MSH5: variants seen among roughly 807,000 people sequenced by gnomAD.
MSH5 encodes the protein mutS homolog 5.
Under a neutral mutation model 107.7 loss-of-function variants are expected in MSH5, and 78 were observed. The ratio of observed to expected loss-of-function variants is 0.72; its 90% CI spans 0.60 to 0.87. The LOEUF (loss-of-function observed/expected upper bound fraction) is 0.87. MSH5 is among the 40% of genes least tolerant of loss of function. MSH5 has a pLI of 0.00. For missense variants in MSH5, 889 were observed against 1,046.6 expected (o/e 0.85, Z 2.08); for synonymous variants, 326 against 399.5 (o/e 0.82, Z 2.19).
At chr6:31,748,412 G>T (rs934528578) in intron 10 of MSH5, among the ~76,000 whole-genome samples, 1 of 142,162 alleles carries the variant, frequency 7.0e-6, no homozygotes, top group African/African-American at 2.6e-5. Flanking sequence ...ACAATGGCAC[G>T]ATCTCTGCTC....
intron 8 of MSH5, among the ~76,000 whole-genome samples, 175 bp from the exon 9 acceptor site, chr6:31,745,062 C>T (rs886472474): frequency 1.4e-5 from 2 of 146,382 alleles, no homozygotes; most frequent in Non-Finnish European, 3.0e-5. Flanking sequence ...TGAAATTGCA[C>T]CACTGCACTC....
At position 31,758,321 on chromosome 6, in the gene MSH5, C is replaced by G; in HGVS notation, c.1143+28C>G. ...GAGTAGAAGGAAAAAGGGAGTGCACCCAGGGAGGTCAGGGAGAGAGAATGC... is the reference window on the plus strand; with the variant it reads ...GAGTAGAAGGAAAAAGGGAGTGCACGCAGGGAGGTCAGGGAGAGAGAATGC... On this transcript the variant is annotated intron_variant, in intron 13 of 24. Coordinates refer to ENST00000375750, the MANE Select transcript of MSH5 (RefSeq NM_172166.4). This position sits in a 1 kb window ranked among gnomAD's most constrained non-coding sequence, Gnocchi z 5.1. The G allele has an allele frequency of 6.2e-7, 1 of 1,610,146 alleles. No individual in the cohort carries two copies. Among genetic ancestry groups the G allele is most frequent in the Non-Finnish European group, 8.5e-7 (1 of 1,178,316 alleles).
chr6:31,758,158 C>G lies in MSH5; in HGVS notation c.1015-7C>G, dbSNP rs1444190740. 1.9e-6 allele frequency: 3 copies of G among 1,612,912 alleles called. No homozygotes were observed. The highest frequency in any genetic ancestry group is 1.7e-6 in the Non-Finnish European group (2 of 1,180,030). On this transcript the variant is annotated splice_polypyrimidine_tract_variant and splice_region_variant and intron_variant, in intron 12 of 24. Transcript: ENST00000375750. The surrounding 1 kb of genome is among the most constrained non-coding windows in gnomAD (Gnocchi z 5.1). The stretch of plus-strand genomic sequence containing the variant: ...GGCCTGTCCTCCTTTTTGTGTTTCT[C>G]TCACAGACTGTGTACAGTGCCCTGG...
In MSH5 at chr6:31,744,663, A is replaced by C. The variant is rs1186605484; in HGVS notation, c.683+82A>C. ...GCCCCAATAATCCTAATGAGGCTCT[A>C]GTTTCCCTAATCCTGGGGCTATTAA... is the stretch of plus-strand genomic sequence containing the variant. On this transcript the variant is annotated intron_variant, in intron 8 of 24. Coordinates refer to ENST00000375750, the MANE Select transcript of MSH5 (RefSeq NM_172166.4). The C allele has an allele frequency of 2.7e-6, 4 of 1,463,572 alleles. No individual in the cohort carries two copies. The East Asian group carries it at 9.1e-5, about 33-fold the overall frequency. The allele number at this position is 1,463,572 out of a possible 1,614,324, so 90.7% of individuals were successfully genotyped here.
Position 31,762,197 on chromosome 6 carries a change from G to A in MSH5, c.2393+12G>A, listed in dbSNP as rs28399985. On this transcript the variant is annotated intron_variant, in intron 24 of 24. Coordinates refer to ENST00000375750, the MANE Select transcript of MSH5 (RefSeq NM_172166.4). ...AACCAAATGGAAAAGTGCGTATATG[G>A]CCCCAGTGTCTTTACCCTCTCTGCA... 3.7e-3 allele frequency: 5,981 copies of A among 1,613,690 alleles called. 27 individuals are homozygous for A. Among genetic ancestry groups the A allele is most frequent in the Non-Finnish European group, 3.8e-3 (4,496 of 1,179,638 alleles).
intron 2 of MSH5, 148 bp from the exon 3 acceptor site, chr6:31,741,015 C>A: frequency 1.0e-6 from 1 of 990,632 alleles, no homozygotes; most frequent in Non-Finnish European, 1.5e-6. Flanking sequence ...AGTCTCTTAC[C>A]TCCTGAGTGG....
rs774724163 is a variant in MSH5, at chr6:31,753,318, C to T, written c.830C>T (p.Pro277Leu). 10 of 1,612,206 alleles carry T rather than the reference C, an allele frequency of 6.2e-6. No homozygotes were observed. The highest frequency in any genetic ancestry group is 1.7e-5 in the Admixed American group (1 of 59,984). Residue 277 changes from proline (P) to leucine (L), a missense_variant, in exon 11 of 25, where the codon CCG becomes CTG. Coordinates refer to ENST00000375750, the MANE Select transcript of MSH5 (RefSeq NM_172166.4). ...EKLLRLWFTRPTHDLGELSSR... is the reference protein window; with the variant it reads ...EKLLRLWFTRLTHDLGELSSR... ...ACTTCCAGGCTATGGTTCACACGTC[C>T]GACTCATGACCTGGGGGAGCTCAGT...
chr6:31,741,660 G>A (rs1262537940), intron 3 of MSH5, among the ~76,000 whole-genome samples: 2 of 152,120 alleles, frequency 1.3e-5, no homozygotes, highest in Admixed American at 6.5e-5. Flanking sequence ...GGGACTACAG[G>A]TGTGAGTCAC....
In MSH5 at chr6:31,761,397, G is replaced by A. The variant is rs1810978560; in HGVS notation, c.2038-75G>A. 3.7e-6 allele frequency: 6 copies of A among 1,605,726 alleles called. No individual in the cohort carries two copies. Among genetic ancestry groups the A allele is most frequent in the African/African-American group, 1.3e-5 (1 of 74,728 alleles). On this transcript the variant is annotated intron_variant, in intron 21 of 24. Coordinates refer to ENST00000375750, the MANE Select transcript of MSH5 (RefSeq NM_172166.4). This position sits in a 1 kb window ranked among gnomAD's most constrained non-coding sequence, Gnocchi z 5.3. ...AGAAAAGAAATAGAACACGAGACAG[G>A]GAAAGGCAGTGCAAGTGCAGAGGGG... is the stretch of plus-strand genomic sequence containing the variant.
At position 31,758,698 on chromosome 6, in the gene MSH5, TG is replaced by T; in HGVS notation, c.1217-64del. The T allele has an allele frequency of 6.2e-7, 1 of 1,609,784 alleles. No homozygotes were observed. Among genetic ancestry groups the T allele is most frequent in the South Asian group, 1.1e-5 (1 of 91,004 alleles). ...ATCCTTGGCAGGTGGTCACCACAGC[TG>T]GGGATCTTCATAGCAACCAGGGCAG... On this transcript the variant is annotated intron_variant, in intron 14 of 24. Coordinates refer to ENST00000375750, the MANE Select transcript of MSH5 (RefSeq NM_172166.4). The surrounding 1 kb of genome is among the most constrained non-coding windows in gnomAD (Gnocchi z 5.1).
intron 12 of MSH5, among the ~76,000 whole-genome samples, chr6:31,754,821 G>A (rs1372541682): frequency 2.1e-5 from 3 of 144,758 alleles, no homozygotes; most frequent in African/African-American, 5.2e-5. Flanking sequence ...GCATGATCTC[G>A]GCTCACTGCA....
rs1810840013 is a variant in MSH5 at position 31,760,071 on chromosome 6, G to A, written c.1686-19G>A. The A allele has an allele frequency of 3.1e-6, 5 of 1,601,582 alleles. No individual in the cohort carries two copies. The highest frequency in any genetic ancestry group is 4.3e-6 in the Non-Finnish European group (5 of 1,172,544). On this transcript the variant is annotated intron_variant, in intron 18 of 24. Transcript: ENST00000375750. This position sits in a 1 kb window ranked among gnomAD's most constrained non-coding sequence, Gnocchi z 5.6. ...TCTTGATCCACAAGCCATGCGAGGT[G>A]CCTCTCCGCCCACTGCAGACATCCT...
Position 31,760,188 on chromosome 6 carries a change from C to T in MSH5, c.1784C>T (p.Ser595Leu), listed in dbSNP as rs769686810. 8 of 1,610,712 alleles carry T rather than the reference C, an allele frequency of 5.0e-6. No individual in the cohort carries two copies. The highest frequency in any genetic ancestry group is 6.8e-6 in the Non-Finnish European group (8 of 1,178,508). The stretch of plus-strand genomic sequence containing the variant: ...GTCAAAGTCATCACTGGACCCAACT[C>T]ATCAGGGAAGAGCATATACCTCAAA... ...GRVKVITGPNSSGKSIYLKQV... is the reference protein window; with the variant it reads ...GRVKVITGPNLSGKSIYLKQV... The change falls in exon 19 of 25, where the codon TCA becomes TTA. Residue 595 changes from serine to leucine, a missense_variant. Physicochemically the swap from Ser to Leu is moderately radical, Grantham distance 145. Coordinates refer to ENST00000375750, the MANE Select transcript of MSH5 (RefSeq NM_172166.4). The surrounding 1 kb of genome is among the most constrained non-coding windows in gnomAD (Gnocchi z 5.6).
chr6:31,756,419 G>A (rs1421430337), intron 12 of MSH5, among the ~76,000 whole-genome samples: 1 of 151,942 alleles, frequency 6.6e-6, no homozygotes, highest in Non-Finnish European at 1.5e-5. Context: ...TGATCCACCC[G>A]CCTCAGCCTC....
rs986817345 is a variant in MSH5 at position 31,740,226 on chromosome 6, C to A, written c.-14+164C>A. 2 of 460,888 alleles carry A rather than the reference C, an allele frequency of 4.3e-6. No homozygotes were observed. The highest frequency in any genetic ancestry group is 7.8e-6 in the Non-Finnish European group (2 of 257,566). 28.5% of individuals were successfully genotyped at this position (460,888 alleles called of 1,614,324 possible). ...AGACCCCTTCCTTCCAAAGGGTAAC[C>A]TCCGCGTGACAGGAATGAGGGTGGG... On this transcript the variant is annotated intron_variant, in intron 1 of 24. Transcript: ENST00000375750. This position sits in a 1 kb window ranked among gnomAD's most constrained non-coding sequence, Gnocchi z 4.4.
chr6:31,745,146 A>G (rs1809310797), intron 8 of MSH5, 91 bp from the exon 9 acceptor site: 2 of 741,940 alleles, frequency 2.7e-6, no homozygotes, highest in Non-Finnish European at 4.7e-6. Flanking sequence ...TCAGGAGGAT[A>G]TCCCCTGTCC....
At position 31,760,120 on chromosome 6, in the gene MSH5, CT is replaced by C; in HGVS notation, c.1719del (p.Phe573LeufsTer33). 1.0e-5 allele frequency: 16 copies of C among 1,607,250 alleles called. No individual in the cohort carries two copies. The highest frequency in any genetic ancestry group is 1.4e-5 in the Non-Finnish European group (16 of 1,176,622). ...CTCTGATGGAACTCTGTGCCCGAAC[CT>C]TTGTGCCCAACTCCACAGAATGTGG... The part of the protein sequence containing the change: ...HPLMELCART[F>X]VPNSTECGGD... On this transcript the variant is annotated frameshift_variant, in exon 19 of 25. Coordinates refer to ENST00000375750, the MANE Select transcript of MSH5 (RefSeq NM_172166.4). LOFTEE classifies it high-confidence loss of function. The surrounding 1 kb of genome is among the most constrained non-coding windows in gnomAD (Gnocchi z 5.6).
At chr6:31,741,764 T>TAA (rs9279402) in intron 3 of MSH5, among the ~76,000 whole-genome samples, 2 of 146,050 alleles carry the variant, frequency 1.4e-5, no homozygotes, top group Non-Finnish European at 3.0e-5. Context: ...AGTAATTTGT[T>TAA]AAAAAAAAAA....
intron 12 of MSH5, chr6:31,756,786 G>C (rs1810478333): frequency 6.6e-6 from 1 of 152,028 alleles, no homozygotes; most frequent in South Asian, 2.1e-4. Flanking sequence ...GACTATAGGC[G>C]TGTGCCACCA....
Sources: allele counts gnomAD v4.1 joint callset (sites outside exome capture counted in the v4.1 genomes callset), GRCh38; gene constraint gnomAD v4.1.1; non-coding constraint Gnocchi (gnomAD v3.1); transcripts MANE v1.5; gene names NCBI Gene and HGNC (gene_info 2026-07-23, HGNC 2026-07-21).